The following NXF1 variants were observed in gnomAD, a reference collection of about 807,000 sequenced individuals.
NXF1 encodes the protein mRNA export factor TAP.
In NXF1, 43 loss-of-function variants were observed where a neutral mutation model predicts 92.4. That is an observed-to-expected ratio of 0.47 (90% CI 0.36 to 0.60). The LOEUF (loss-of-function observed/expected upper bound fraction) is 0.60, where lower values mean the gene tolerates loss of function less well. Ranked by LOEUF, NXF1 falls within the 20% of genes least tolerant of loss-of-function variation. The pLI, the probability that NXF1 is intolerant of heterozygous loss-of-function variation, is 0.00. For missense variants in NXF1, 576 were observed against 793.0 expected, an observed-to-expected ratio of 0.73 and a Z score of 3.29; for synonymous variants, 288 against 292.2, an observed-to-expected ratio of 0.99 and a Z score of 0.15.
rs750524963 is a variant in NXF1 at position 62,796,545 on chromosome 11, C to T, written c.1201G>A (p.Gly401Arg). The change falls in exon 14 of 21, where the codon GGA becomes AGA. Residue 401 changes from glycine to arginine, a missense_variant. Around this residue, in one of 2 missense-constraint regions of NXF1, gnomAD observed 425 missense variants for 635.2 expected, o/e 0.67. Transcript: ENST00000294172. ...LQQYYAIYDSGDRQGLLDAYH... is the reference protein window; with the variant it reads ...LQQYYAIYDSRDRQGLLDAYH... Reference sequence around the variant, plus strand: ...GCATCCAGGAGCCCTTGTCGGTCTCCAGAGTCGTAAATTGCATAGTACCTA... The same window carrying T: ...GCATCCAGGAGCCCTTGTCGGTCTCTAGAGTCGTAAATTGCATAGTACCTA... 13 of 1,613,754 alleles carry T rather than the reference C, an allele frequency of 8.1e-6. No homozygotes were observed. The highest frequency in any genetic ancestry group is 8.5e-6 in the Non-Finnish European group (10 of 1,179,690).
At chr11:62,793,410 T>C (rs1250677329) in intron 19 of NXF1, among the ~76,000 whole-genome samples, 3 of 152,212 alleles carry the variant, frequency 2.0e-5, no homozygotes, top group Non-Finnish European at 2.9e-5. Context: ...CCAAAAGTTT[T>C]GCCTTTTAAA....
Position 62,802,029 on chromosome 11 carries a change from T to G in NXF1, c.471A>C (p.Thr157=). 1.2e-6 allele frequency: 2 copies of G among 1,614,156 alleles called. No individual in the cohort carries two copies. The highest frequency in any genetic ancestry group is 1.7e-6 in the Non-Finnish European group (2 of 1,179,982). ...CGTCTTCAACGAAGAACTGGGCCCG[T>G]GTATTCTCATAGTGAAACTACAAGA... ...FTPIEFHYEN[T]RAQFFVEDAS... Residue 157 remains threonine, a synonymous_variant, in exon 5 of 21, where the codon ACA becomes ACC. Transcript: ENST00000294172.
chr11:62,801,154 G>A lies in NXF1; in HGVS notation c.846C>T (p.Asp282=), dbSNP rs2084474316. The change falls in exon 9 of 21, where the codon GAC becomes GAT. Residue 282 remains aspartate (D), a synonymous_variant. Coordinates refer to ENST00000294172, the MANE Select transcript of NXF1 (RefSeq NM_006362.5). ...LSNNRLYRLD[D]MSSIVQKAPN... ...GTGCCTTCTGAACAATGCTAGACAT[G>A]TCATCCAGCCTGTACAGCCTGTTGT... 1 of 1,614,066 alleles carries A rather than the reference G, an allele frequency of 6.2e-7. No individual in the cohort carries two copies. Among genetic ancestry groups the A allele is most frequent in the Non-Finnish European group, 8.5e-7 (1 of 1,180,030 alleles).
chr11:62,799,106 A>G, intron 10 of NXF1: 1 of 986,276 alleles, frequency 1.0e-6, no homozygotes, highest in Non-Finnish European at 1.2e-6. Flanking sequence ...AGAAAAAGGC[A>G]AGATGGGGCA....
At chr11:62,798,700 C>T in intron 10 of NXF1, 125 bp from the exon 11 acceptor site, 4 of 1,510,252 alleles carry the variant, frequency 2.6e-6, no homozygotes, top group Non-Finnish European at 3.5e-6. Context: ...TCCACTCCCT[C>T]CCAGCCTGTG....
chr11:62,794,753 GA>G (rs2084403523), intron 18 of NXF1, 181 bp downstream of exon 18: 1 of 619,472 alleles, frequency 1.6e-6, no homozygotes, highest in Non-Finnish European at 2.8e-6. Context: ...GAGCCAGGAT[GA>G]AAACCCAGAC....
At chr11:62,804,371 A>T (rs2084512084) in intron 1 of NXF1, among the ~76,000 whole-genome samples, 2 of 152,242 alleles carry the variant, frequency 1.3e-5, no homozygotes, top group African/African-American at 4.8e-5. Context: ...TCCTCTAAAA[A>T]TTCTCCTTGT....
chr11:62,801,904 A>T (rs773917166), intron 5 of NXF1, 38 bp downstream of exon 5: 1 of 1,607,702 alleles, frequency 6.2e-7, no homozygotes, highest in South Asian at 1.1e-5. Flanking sequence ...CTGAGCACCA[A>T]CCTCCACCTC....
chr11:62,798,407 C>T, intron 11 of NXF1, 132 bp downstream of exon 11: 2 of 1,354,684 alleles, frequency 1.5e-6, no homozygotes, highest in East Asian at 5.1e-5. Context: ...GCACTCCAGC[C>T]TGGGCGACGA....
chr11:62,801,334 G>C lies in NXF1; in HGVS notation c.793C>G (p.Pro265Ala), dbSNP rs763741054. 6.2e-7 allele frequency: 1 copy of C among 1,613,962 alleles called. No homozygotes were observed. Among genetic ancestry groups the C allele is most frequent in the East Asian group, 2.2e-5 (1 of 44,884 alleles). The change falls in exon 8 of 21, where the codon CCT (proline) becomes GCT (alanine). Residue 265 changes from proline (P) to alanine (A), a missense_variant. Physicochemically the swap from Pro to Ala is conservative, Grantham distance 27. Around this residue, in one of 2 missense-constraint regions of NXF1, gnomAD observed 425 missense variants for 635.2 expected, o/e 0.67. Coordinates refer to ENST00000294172, the MANE Select transcript of NXF1 (RefSeq NM_006362.5). ...ATLRIIEENI[P>A]ELLSLNLSNN... ...TACTGGGCCAAAGGCCTTACCTCAG[G>C]GATGTTCTCTTCAATGATCCTCAGG... is the stretch of plus-strand genomic sequence containing the variant.
At chr11:62,794,691 A>T in intron 18 of NXF1, 2 of 587,498 alleles carry the variant, frequency 3.4e-6, no homozygotes, top group South Asian at 4.5e-5. Context: ...GGAAATGAAT[A>T]TTGTTATATG....
In NXF1 at chr11:62,792,550, C is replaced by A. The variant is rs199600277; in HGVS notation, c.1822-36G>T. ...ATGAAGGTCAGTAGAGGTAGGCCTA[C>A]CCTCGCCACTCAGCAACCCCACTCA... On this transcript the variant is annotated intron_variant, in intron 20 of 20. Transcript: ENST00000294172. 1.3e-3 allele frequency: 2,058 copies of A among 1,614,126 alleles called. 2 individuals carry two copies. The highest frequency in any genetic ancestry group is 1.7e-3 in the Non-Finnish European group (2,010 of 1,179,950).
In NXF1 at chr11:62,805,420, C is replaced by G. The variant is rs892903766; in HGVS notation, c.-64G>C. On this transcript the variant is annotated 5_prime_UTR_variant, in exon 1 of 21. Transcript: ENST00000294172. ...GCTACGCCGGCAAACAACCTAACTC[C>G]CAAGCGCTCAGGACCGAAGTGTCCC... 6.9e-5 allele frequency: 111 copies of G among 1,604,716 alleles called. No individual in the cohort carries two copies. Among genetic ancestry groups the G allele is most frequent in the Non-Finnish European group, 8.9e-5 (105 of 1,176,000 alleles).
chr11:62,801,529 C>G, intron 7 of NXF1, 33 bp downstream of exon 7: 1 of 1,612,204 alleles, frequency 6.2e-7, no homozygotes. Flanking sequence ...ACCTTATCAC[C>G]ACCTATCTGA....
At chr11:62,796,968 G>A in intron 13 of NXF1, 1 of 583,268 alleles carries the variant, frequency 1.7e-6, no homozygotes. Context: ...TGGGGAGGCT[G>A]AGGCAGGAGA....
intron 10 of NXF1, chr11:62,799,249 A>G: frequency 5.1e-6 from 5 of 985,638 alleles, no homozygotes; most frequent in Non-Finnish European, 6.0e-6. Flanking sequence ...AGACACCCTG[A>G]CACAGCCCTT....
chr11:62,795,778 G>T, intron 17 of NXF1, 123 bp downstream of exon 17: 1 of 939,098 alleles, frequency 1.1e-6, no homozygotes, highest in Non-Finnish European at 1.7e-6. Context: ...CTTGGGGGCA[G>T]AATGGGAGAA....
chr11:62,798,134 A>G (rs369478852), intron 11 of NXF1, among the ~76,000 whole-genome samples: 99 of 151,530 alleles, frequency 6.5e-4, no homozygotes, highest in African/African-American at 2.4e-3. Context: ...TCCAAAAAAA[A>G]AAAAAAAAAG....
chr11:62,796,283 T>C lies in NXF1; in HGVS notation c.1345+4A>G. On this transcript the variant is annotated splice_donor_region_variant and intron_variant, in intron 15 of 20. Transcript: ENST00000294172. Reference sequence around the variant, plus strand: ...CCCATATTTTGTTCGTATCACACACTTACTAGGGTCTTTAAGCTTCTTCAC... The same window carrying C: ...CCCATATTTTGTTCGTATCACACACCTACTAGGGTCTTTAAGCTTCTTCAC... The C allele has an allele frequency of 6.2e-7, 1 of 1,614,134 alleles. No individual in the cohort carries two copies. The highest frequency in any genetic ancestry group is 8.5e-7 in the Non-Finnish European group (1 of 1,179,990).
Sources: allele counts gnomAD v4.1 joint callset (sites outside exome capture counted in the v4.1 genomes callset), GRCh38; gene constraint gnomAD v4.1.1; regional missense constraint gnomAD v4.1.1; transcripts MANE v1.5; gene names NCBI Gene and HGNC (gene_info 2026-07-23, HGNC 2026-07-21).